SDK1: variants seen among roughly 807,000 people sequenced by gnomAD.
SDK1 encodes the protein protein sidekick-1.
A neutral mutation model predicts 245.5 loss-of-function variants in SDK1; 157 were observed. That is an observed-to-expected ratio of 0.64 (90% CI 0.56 to 0.73). The LOEUF (loss-of-function observed/expected upper bound fraction) is 0.73, where lower values mean the gene tolerates loss of function less well. SDK1 is among the 30% of genes least tolerant of loss of function. SDK1 has a pLI of 0.00. For missense variants in SDK1, 3,583 were observed against 3,002.3 expected, an observed-to-expected ratio of 1.19 and a Z score of -4.52; for synonymous variants, 1,647 against 1,278.5, an observed-to-expected ratio of 1.29 and a Z score of -6.15.
intron 1 of SDK1, among the ~76,000 whole-genome samples, chr7:3,612,933 A>G (rs1049047478): frequency 2.7e-5 from 4 of 150,008 alleles, no homozygotes; most frequent in African/African-American, 9.8e-5. Flanking sequence ...TTTGTGGTAC[A>G]GTTGATTCTT....
chr7:3,764,794 ATATG>A (rs1780207240), intron 4 of SDK1, among the ~76,000 whole-genome samples: 1 of 152,218 alleles, frequency 6.6e-6, no homozygotes, highest in African/African-American at 2.4e-5. Context: ...TTCATAATGA[ATATG>A]TATTTTAATA....
intron 1 of SDK1, among the ~76,000 whole-genome samples, chr7:3,492,535 T>C (rs973743175): frequency 6.6e-6 from 1 of 152,190 alleles, no homozygotes; most frequent in Admixed American, 6.5e-5. Flanking sequence ...ACCTGACGGA[T>C]GTCAGTGAAA....
intron 25 of SDK1, among the ~76,000 whole-genome samples, chr7:4,119,923 T>A (rs1449899012): frequency 6.7e-6 from 1 of 149,084 alleles, no homozygotes; most frequent in Non-Finnish European, 1.5e-5. Context: ...TATTAAAGTC[T>A]TAGTAAAATA....
At chr7:3,689,119 G>A (rs1289689201) in intron 4 of SDK1, among the ~76,000 whole-genome samples, 2 of 152,206 alleles carry the variant, frequency 1.3e-5, no homozygotes, top group Non-Finnish European at 2.9e-5. Flanking sequence ...TTGTGACAGG[G>A]ATGGACCATA....
At chr7:3,532,373 T>C (rs1206228159) in intron 1 of SDK1, among the ~76,000 whole-genome samples, 1 of 152,204 alleles carries the variant, frequency 6.6e-6, no homozygotes, top group Non-Finnish European at 1.5e-5. Flanking sequence ...ATTCACATCT[T>C]CCCACTTTGG....
chr7:3,880,543 CTTTTTTTT>C (rs5882008), intron 5 of SDK1, among the ~76,000 whole-genome samples: 133 of 92,048 alleles, frequency 1.4e-3, no homozygotes, highest in African/African-American at 5.1e-3. Flanking sequence ...ATGCCCTGGT[CTTTTTTTT>C]TTTTTTTTTT....
intron 1 of SDK1, among the ~76,000 whole-genome samples, chr7:3,411,858 G>C (rs1353830032): frequency 2.0e-5 from 3 of 152,044 alleles, no homozygotes; most frequent in Admixed American, 6.6e-5. Context: ...TTGTTCACTA[G>C]GTATGAACCC....
At chr7:3,995,289 C>G (rs114263944) in intron 14 of SDK1, among the ~76,000 whole-genome samples, 129 of 152,334 alleles carry the variant, frequency 8.5e-4, no homozygotes, top group African/African-American at 2.9e-3. Flanking sequence ...TTTGCCTGAT[C>G]AGCTCTTACT....
At chr7:3,588,361 C>T (rs1780755623) in intron 1 of SDK1, among the ~76,000 whole-genome samples, 1 of 152,190 alleles carries the variant, frequency 6.6e-6, no homozygotes, top group African/African-American at 2.4e-5. Flanking sequence ...TAGTTGTATA[C>T]TAATGAGTAA....
intron 22 of SDK1, among the ~76,000 whole-genome samples, chr7:4,083,127 A>G (rs1055227162): frequency 1.3e-5 from 2 of 152,200 alleles, no homozygotes; most frequent in Non-Finnish European, 2.9e-5. Context: ...TAAACTGCAT[A>G]TATTTAAGAT....
chr7:3,946,241 G>C (rs1308289566), intron 5 of SDK1, among the ~76,000 whole-genome samples: 1 of 151,974 alleles, frequency 6.6e-6, no homozygotes, highest in African/African-American at 2.4e-5. Flanking sequence ...GCAGTGGTGT[G>C]ATCATAGCTC....
intron 5 of SDK1, among the ~76,000 whole-genome samples, chr7:3,906,303 C>G (rs956435200): frequency 6.6e-6 from 1 of 152,020 alleles, no homozygotes; most frequent in African/African-American, 2.4e-5. Flanking sequence ...TGTAGTGTCT[C>G]CCAAATTATT....
intron 2 of SDK1, among the ~76,000 whole-genome samples, chr7:3,625,303 T>C (rs1782079186): frequency 6.6e-6 from 1 of 152,218 alleles, no homozygotes; most frequent in Admixed American, 6.5e-5. Context: ...TTACAAGTTT[T>C]GTATAAAAGA....
intron 1 of SDK1, among the ~76,000 whole-genome samples, chr7:3,381,712 A>G (rs903432252): frequency 6.6e-6 from 1 of 152,046 alleles, no homozygotes; most frequent in African/African-American, 2.4e-5. Context: ...AGGAAGGAGA[A>G]AAGCACCTCT....
Position 4,265,332 on chromosome 7 carries a change from C to G in SDK1, c.6590C>G (p.Pro2197Arg), listed in dbSNP as rs199542518. The change falls in exon 45 of 45, where the codon CCC becomes CGC. Residue 2197 changes from proline (P) to arginine (R), a missense_variant. Physicochemically the swap from Pro to Arg is moderately radical, Grantham distance 103. Transcript: ENST00000404826. ...TTQSAGGVYTPAGPGARTPLT... is the reference protein window; with the variant it reads ...TTQSAGGVYTRAGPGARTPLT... ...CAGAGCGCGGGCGGCGTCTACACCC[C>G]CGCTGGCCCCGGCGCGCGAACTCCG... 34 of 1,479,614 alleles carry G rather than the reference C, an allele frequency of 2.3e-5. No homozygotes were observed. Among genetic ancestry groups the G allele is most frequent in the Non-Finnish European group, 2.7e-5 (31 of 1,128,958 alleles). 91.7% of individuals were successfully genotyped at this position (1,479,614 alleles called of 1,614,324 possible).
chr7:4,161,473 G>C (rs1781115736), intron 31 of SDK1, among the ~76,000 whole-genome samples: 1 of 152,154 alleles, frequency 6.6e-6, no homozygotes. Context: ...AGCCCTGCAG[G>C]GAGGGTCTCG....
intron 17 of SDK1, among the ~76,000 whole-genome samples, chr7:4,029,605 T>C (rs1787636532): frequency 6.6e-6 from 1 of 152,104 alleles, no homozygotes; most frequent in Non-Finnish European, 1.5e-5. Flanking sequence ...AATAGGTCAT[T>C]AGATGGACTC....
At chr7:4,193,272 C>A (rs568340251) in intron 35 of SDK1, among the ~76,000 whole-genome samples, 1 of 126,916 alleles carries the variant, frequency 7.9e-6, no homozygotes, top group African/African-American at 3.1e-5. Flanking sequence ...GTATTAATTA[C>A]ATATAAAATA....
At chr7:3,314,715 G>C (rs1321518191) in intron 1 of SDK1, among the ~76,000 whole-genome samples, 1 of 152,130 alleles carries the variant, frequency 6.6e-6, no homozygotes, top group African/African-American at 2.4e-5. Context: ...AATATAAGTT[G>C]TGTTATGCTT....
Sources: allele counts gnomAD v4.1 joint callset (sites outside exome capture counted in the v4.1 genomes callset), GRCh38; gene constraint gnomAD v4.1.1; transcripts MANE v1.5; gene names NCBI Gene and HGNC (gene_info 2026-07-23, HGNC 2026-07-21).